TINAG: variants seen among roughly 807,000 people sequenced by gnomAD.
TINAG encodes tubulointerstitial nephritis antigen.
TINAG carries 83 observed loss-of-function variants against 72.7 expected under a neutral mutation model. The ratio of observed to expected loss-of-function variants is 1.14; its 90% CI spans 0.96 to 1.37. The LOEUF (loss-of-function observed/expected upper bound fraction) is 1.37. Ranked by LOEUF, TINAG falls within the 40% of genes most tolerant of loss-of-function variation. The probability of loss-of-function intolerance (pLI) is 0.00; values close to 1 mark genes in which losing one functional copy is unlikely to be tolerated. For missense variants in TINAG, 685 were observed against 576.6 expected, an observed-to-expected ratio of 1.19 and a Z score of -1.93; for synonymous variants, 234 against 189.9, an observed-to-expected ratio of 1.23 and a Z score of -1.91.
chr6:54,360,841 GT>G (rs70983415), intron 9 of TINAG, among the ~76,000 whole-genome samples: 113 of 26,224 alleles, frequency 4.3e-3, no homozygotes, highest in Middle Eastern at 0.038. Flanking sequence ...CAGATACTGT[GT>G]TTTTTTTTTT....
intron 9 of TINAG, among the ~76,000 whole-genome samples, chr6:54,368,329 AAAT>A (rs1763498861): frequency 6.8e-6 from 1 of 147,826 alleles, no homozygotes; most frequent in South Asian, 2.1e-4. Flanking sequence ...AGTAATAATC[AAAT>A]AATAATTTAA....
At chr6:54,314,538 T>C (rs1164075922) in intron 1 of TINAG, among the ~76,000 whole-genome samples, 2 of 151,812 alleles carry the variant, frequency 1.3e-5, no homozygotes, top group Admixed American at 6.6e-5. Context: ...TGGGGTTCTG[T>C]TACAAAAAAA....
intron 4 of TINAG, among the ~76,000 whole-genome samples, chr6:54,329,925 A>C (rs577848484): frequency 6.6e-6 from 1 of 152,234 alleles, no homozygotes; most frequent in African/African-American, 2.4e-5. Flanking sequence ...AGAACTAACT[A>C]TCATGAATAT....
chr6:54,377,866 G>A (rs749088418), intron 9 of TINAG, among the ~76,000 whole-genome samples: 4 of 152,096 alleles, frequency 2.6e-5, no homozygotes, highest in Non-Finnish European at 5.9e-5. Context: ...AAAATGAGTA[G>A]CCTTCTGGTT....
At chr6:54,368,296 G>A in intron 9 of TINAG, among the ~76,000 whole-genome samples, 1 of 146,372 alleles carries the variant, frequency 6.8e-6, no homozygotes, top group Non-Finnish European at 1.5e-5. Flanking sequence ...ATAATTATAT[G>A]TTATATATTA....
chr6:54,310,512 C>A (rs1331595001), intron 1 of TINAG, among the ~76,000 whole-genome samples: 3 of 142,774 alleles, frequency 2.1e-5, no homozygotes, highest in African/African-American at 5.1e-5. Flanking sequence ...CTTTCTCTTT[C>A]TTTCTTTTCT....
chr6:54,354,722 C>T (rs748387733), intron 9 of TINAG, 86 bp downstream of exon 9: 19 of 1,362,564 alleles, frequency 1.4e-5, no homozygotes, highest in Non-Finnish European at 1.8e-5. Flanking sequence ...TGCTAGAATC[C>T]CCTTTGTAGG....
intron 10 of TINAG, among the ~76,000 whole-genome samples, chr6:54,386,170 C>T (rs998962875): frequency 6.6e-6 from 1 of 152,034 alleles, no homozygotes; most frequent in Non-Finnish European, 1.5e-5. Context: ...GAATTACAGG[C>T]GTGAGCCAGT....
chr6:54,382,772 T>C (rs1763989046), intron 10 of TINAG, among the ~76,000 whole-genome samples: 1 of 152,134 alleles, frequency 6.6e-6, no homozygotes, highest in Non-Finnish European at 1.5e-5. Flanking sequence ...GGTAGCAGTG[T>C]ATGTCTCATA....
chr6:54,336,903 T>G (rs2150949689), intron 4 of TINAG, among the ~76,000 whole-genome samples: 1 of 152,202 alleles, frequency 6.6e-6, no homozygotes, highest in East Asian at 1.9e-4. Context: ...CAGAACAGCA[T>G]CCTTTCTCGG....
chr6:54,371,239 C>T (rs538483381), intron 9 of TINAG, among the ~76,000 whole-genome samples: 1 of 151,992 alleles, frequency 6.6e-6, no homozygotes, highest in South Asian at 2.1e-4. Flanking sequence ...ATACTGGGGT[C>T]AAGCTTAGAT....
At chr6:54,310,791 CT>C (rs779960863) in intron 1 of TINAG, among the ~76,000 whole-genome samples, 1 of 138,014 alleles carries the variant, frequency 7.2e-6, no homozygotes, top group Non-Finnish European at 1.5e-5. Context: ...CTTTCTCTTT[CT>C]TTTTTCTCTC....
Position 54,349,856 on chromosome 6 carries a change from G to C in TINAG, c.1040G>C (p.Arg347Thr), listed in dbSNP as rs762009453. 4 of 1,608,630 alleles carry C rather than the reference G, an allele frequency of 2.5e-6. No individual in the cohort carries two copies. In the Admixed American group the frequency reaches 6.7e-5, roughly 27 times the overall value. ...CCCAACAACGTAGAAAAATCTAACAGGATCTATCAATGTTCTCCTCCATAC... is the reference window on the plus strand; with the variant it reads ...CCCAACAACGTAGAAAAATCTAACACGATCTATCAATGTTCTCCTCCATAC... ...PCPNNVEKSN[R>T]IYQCSPPYRV... Residue 347 changes from arginine (R) to threonine (T), a missense_variant, in exon 7 of 11, where the codon AGG (arginine) becomes ACG (threonine). Arg to Thr is a moderately conservative substitution (Grantham distance 71). Coordinates refer to ENST00000259782, the MANE Select transcript of TINAG (RefSeq NM_014464.4).
At chr6:54,328,874 G>A (rs900119973) in intron 4 of TINAG, among the ~76,000 whole-genome samples, 2 of 151,700 alleles carry the variant, frequency 1.3e-5, no homozygotes, top group Non-Finnish European at 2.9e-5. Context: ...AAGGATATGA[G>A]AGATTGAAGA....
intron 6 of TINAG, 57 bp downstream of exon 6, chr6:54,347,574 G>A: frequency 6.4e-7 from 1 of 1,555,702 alleles, no homozygotes; most frequent in Admixed American, 2.0e-5. Flanking sequence ...CATTGTGTTA[G>A]AACAAGGAAA....
At chr6:54,314,799 C>T (rs544305170) in intron 1 of TINAG, among the ~76,000 whole-genome samples, 14 of 152,180 alleles carry the variant, frequency 9.2e-5, no homozygotes, top group Admixed American at 3.3e-4. Flanking sequence ...CTTCAATATC[C>T]ATTTTTGCTT....
chr6:54,323,798 A>G (rs1784545323), intron 3 of TINAG, among the ~76,000 whole-genome samples: 1 of 152,132 alleles, frequency 6.6e-6, no homozygotes, highest in Non-Finnish European at 1.5e-5. Context: ...TACCAGAAAT[A>G]CAAAAATTAT....
chr6:54,379,769 AT>A (rs1219488708), intron 9 of TINAG, among the ~76,000 whole-genome samples: 2 of 151,400 alleles, frequency 1.3e-5, no homozygotes, highest in Non-Finnish European at 2.9e-5. Flanking sequence ...TTTTAATCTA[AT>A]TTTTATTTTT....
intron 9 of TINAG, among the ~76,000 whole-genome samples, chr6:54,369,230 G>A (rs1399653593): frequency 1.1e-4 from 16 of 151,758 alleles, no homozygotes; most frequent in Admixed American, 9.2e-4. Flanking sequence ...ATTCTCACAC[G>A]ATTTTTAGAA....
Sources: gnomAD v4.1 joint callset for allele counts (sites outside exome capture counted in the v4.1 genomes callset) on GRCh38, gnomAD v4.1.1 for gene constraint, MANE v1.5 for transcripts, NCBI Gene and HGNC (gene_info 2026-07-23, HGNC 2026-07-21) for gene names.